TTLL7: variants seen among roughly 807,000 people sequenced by gnomAD.
The protein encoded by TTLL7 is tubulin tyrosine ligase like 7, also known as tubulin polyglutamylase TTLL7.
Under a neutral mutation model 120.2 loss-of-function variants are expected in TTLL7, and 53 were observed. The observed-to-expected ratio is 0.44, with a 90% CI of 0.35 to 0.55. TTLL7 has a LOEUF of 0.55. Ranked by LOEUF, TTLL7 falls within the 20% of genes least tolerant of loss-of-function variation. The probability of loss-of-function intolerance (pLI) is 0.00; values close to 1 mark genes in which losing one functional copy is unlikely to be tolerated. For synonymous variants in TTLL7, 353 were observed against 351.7 expected (o/e 1.00, Z -0.04); for missense variants, 803 against 1,054.7 (o/e 0.76, Z 3.31).
chr1:83,912,303 T>A (rs1392892970), intron 14 of TTLL7: 1 of 152,098 alleles, frequency 6.6e-6, no homozygotes, highest in East Asian at 1.9e-4. Context: ...GTCCTCCCAA[T>A]CAATGTGTTT....
At chr1:83,894,255 G>A (rs2100739074) in intron 18 of TTLL7, among the ~76,000 whole-genome samples, 1 of 152,208 alleles carries the variant, frequency 6.6e-6, no homozygotes, top group Non-Finnish European at 1.5e-5. Flanking sequence ...GATAACCCAT[G>A]TATTAGTCTC....
chr1:83,883,201 A>G (rs919725411), intron 19 of TTLL7, 65 bp from the exon 20 acceptor site: 2 of 1,352,076 alleles, frequency 1.5e-6, no homozygotes, highest in Admixed American at 4.8e-5. Context: ...GCTATATATC[A>G]CTTCCCTAGC....
intron 9 of TTLL7, among the ~76,000 whole-genome samples, chr1:83,932,039 G>A (rs1160136030): frequency 6.6e-6 from 1 of 152,100 alleles, no homozygotes; most frequent in Admixed American, 6.6e-5. Context: ...AACAACGAAG[G>A]AAAGAGTAAA....
At chr1:83,919,259 A>AGTGTGTGTGTGTGTGTGT (rs111745254) in intron 13 of TTLL7, among the ~76,000 whole-genome samples, 8 of 146,948 alleles carry the variant, frequency 5.4e-5, no homozygotes, top group Admixed American at 4.8e-4. Flanking sequence ...TACAGATTAG[A>AGTGTGTGTGTGTGTGTGT]GTGTGTGTGT....
At chr1:83,915,492 C>T (rs1056753642) in intron 14 of TTLL7, among the ~76,000 whole-genome samples, 2 of 152,124 alleles carry the variant, frequency 1.3e-5, no homozygotes, top group Non-Finnish European at 2.9e-5. Context: ...AAAATTAATT[C>T]AAGATGGATT....
At position 83,884,403 on chromosome 1, in the gene TTLL7, A is replaced by C. The variant is rs530972814; in HGVS notation, c.2370-1267T>G. Among the ~76,000 whole-genome samples the C allele has an allele frequency of 2.2e-5, 3 of 137,310 alleles. No individual in the cohort carries two copies. The East Asian group carries it at 9.4e-4, about 43-fold the overall frequency. The allele number at this position is 137,310 out of a possible 152,430, so 90.1% of individuals were successfully genotyped here. On this transcript the variant is annotated intron_variant, in intron 19 of 20. Transcript: ENST00000260505. ...TCTGTGGATATTTGATATATTTTGA[A>C]TTCTTAAAAAAATGCCTTAGAAATA...
chr1:83,883,121 A>G lies in TTLL7; in HGVS notation c.2385T>C (p.Ser795=), dbSNP rs200257970. The change falls in exon 20 of 21, where the codon AGT becomes AGC. Residue 795 remains serine, a synonymous_variant. Transcript: ENST00000260505. ...CCACCTCCGGGCTTTTATTGAATATACTCTCCCAAGAGGATCTGTTGGCAT... is the reference window on the plus strand; with the variant it reads ...CCACCTCCGGGCTTTTATTGAATATGCTCTCCCAAGAGGATCTGTTGGCAT... The part of the protein sequence containing the change: ...CFCDSGSSWE[S]IFNKSPEVVT... 7.5e-6 allele frequency: 12 copies of G among 1,604,340 alleles called. No individual in the cohort carries two copies. The East Asian group carries it at 2.2e-4, about 30-fold the overall frequency.
intron 19 of TTLL7, among the ~76,000 whole-genome samples, chr1:83,885,465 G>C (rs1400717722): frequency 6.6e-6 from 1 of 151,936 alleles, no homozygotes; most frequent in Non-Finnish European, 1.5e-5. Flanking sequence ...TAATATGTGA[G>C]TTATAATATG....
At chr1:83,951,815 A>G (rs1241314523) in intron 3 of TTLL7, 30 bp downstream of exon 3, 2 of 1,570,012 alleles carry the variant, frequency 1.3e-6, no homozygotes, top group East Asian at 4.5e-5. Context: ...CAATTATGAG[A>G]ATCCCATGAT....
chr1:83,915,478 T>C (rs1658069009), intron 14 of TTLL7, among the ~76,000 whole-genome samples: 1 of 152,174 alleles, frequency 6.6e-6, no homozygotes, highest in South Asian at 2.1e-4. Context: ...TTACACCTTA[T>C]ACTAAAATTA....
intron 1 of TTLL7, among the ~76,000 whole-genome samples, chr1:83,964,105 T>C (rs1650243524): frequency 6.6e-6 from 1 of 152,140 alleles, no homozygotes; most frequent in Non-Finnish European, 1.5e-5. Context: ...TAATAGACTT[T>C]ACGTGAAGGC....
rs762058530 is a variant in TTLL7 at position 83,947,108 on chromosome 1, A to G, written c.506+16T>C. On this transcript the variant is annotated intron_variant, in intron 6 of 20. Transcript: ENST00000260505. ...TTTTTTTTATTTTTATATATTCCAA[A>G]TAAAAGCAAACCTACCCATGACCCA... 1.3e-6 allele frequency: 2 copies of G among 1,556,728 alleles called. No homozygotes were observed. Among genetic ancestry groups the G allele is most frequent in the Non-Finnish European group, 1.7e-6 (2 of 1,160,194 alleles).
At chr1:83,936,713 G>A (rs1647427209) in intron 8 of TTLL7, among the ~76,000 whole-genome samples, 1 of 152,058 alleles carries the variant, frequency 6.6e-6, no homozygotes, top group African/African-American at 2.4e-5. Context: ...ATTTTTGTTA[G>A]AGTCCCAACA....
In TTLL7 at chr1:83,911,262, G is replaced by A. The variant is rs200316155; in HGVS notation, c.1689C>T (p.Asp563=). ...YDSSSSSSES[D]ENEKEEYQNK... ...TTTGGTACTCTTCTTTTTCATTTTC[G>A]TCAGATTCTGAAGAGCTGCTGCTAC... The change falls in exon 15 of 21, where the codon GAC becomes GAT. Residue 563 remains aspartate (D), a synonymous_variant. Transcript: ENST00000260505. 2.7e-5 allele frequency: 44 copies of A among 1,612,626 alleles called. No homozygotes were observed. Among genetic ancestry groups the A allele is most frequent in the Middle Eastern group, 1.7e-4 (1 of 6,054 alleles).
rs758820900 is a variant in TTLL7, at chr1:83,917,599, T to G, written c.1587+5A>C. The G allele has an allele frequency of 1.6e-5, 26 of 1,602,010 alleles. 1 individual carries two copies. Among genetic ancestry groups the G allele is most frequent in the Non-Finnish European group, 2.2e-5 (26 of 1,169,130 alleles). Reference sequence around the variant, plus strand: ...ATAAGTAAGGAAGGTAGAGATATACTGCACCTTTGGTCCTCGAGTCTTGGT... The same window carrying G: ...ATAAGTAAGGAAGGTAGAGATATACGGCACCTTTGGTCCTCGAGTCTTGGT... On this transcript the variant is annotated splice_donor_5th_base_variant and intron_variant, in intron 14 of 20. Transcript: ENST00000260505.
intron 1 of TTLL7, among the ~76,000 whole-genome samples, chr1:83,992,769 G>A (rs1218224263): frequency 1.3e-5 from 2 of 148,540 alleles, no homozygotes; most frequent in African/African-American, 4.9e-5. Context: ...ATATTAAACT[G>A]GTTATAGAAA....
At chr1:83,917,482 C>T (rs1658288446) in intron 14 of TTLL7, 122 bp downstream of exon 14, 5 of 655,412 alleles carry the variant, frequency 7.6e-6, no homozygotes, top group South Asian at 4.4e-5. Context: ...ACTTTACCTG[C>T]ACTGGGCACA....
intron 3 of TTLL7, among the ~76,000 whole-genome samples, chr1:83,950,913 A>T (rs1217465988): frequency 6.6e-6 from 1 of 152,194 alleles, no homozygotes; most frequent in Non-Finnish European, 1.5e-5. Context: ...TACCTGGCTC[A>T]CAAGCAGAAA....
chr1:83,977,285 A>G (rs1651576074), intron 1 of TTLL7, among the ~76,000 whole-genome samples: 1 of 152,112 alleles, frequency 6.6e-6, no homozygotes, highest in Non-Finnish European at 1.5e-5. Context: ...TAGGATAGAA[A>G]TGAGAATTAA....
Sources: gnomAD v4.1 joint callset for allele counts (sites outside exome capture counted in the v4.1 genomes callset) on GRCh38, gnomAD v4.1.1 for gene constraint, MANE v1.5 for transcripts, NCBI Gene and HGNC (gene_info 2026-07-23, HGNC 2026-07-21) for gene names.